Variants in SPRED1 observed in about 807,000 individuals in gnomAD.
SPRED1 encodes sprouty related EVH1 domain containing 1.
Under a neutral mutation model 52.3 loss-of-function variants are expected in SPRED1, and 18 were observed. That is an observed-to-expected ratio of 0.34 (90% confidence interval 0.24 to 0.51). SPRED1 has a LOEUF of 0.51. Among genes scored for constraint, SPRED1 ranks in the 20% least tolerant of loss-of-function variants. SPRED1 has a pLI of 0.97. For synonymous variants in SPRED1, 155 were observed against 179.7 expected (o/e 0.86, Z 1.10); for missense variants, 485 against 551.0 (o/e 0.88, Z 1.20).
chr15:38,298,317 C>T (rs1040740435), intron 1 of SPRED1, among the ~76,000 whole-genome samples: 3 of 152,046 alleles, frequency 2.0e-5, no homozygotes, highest in African/African-American at 4.8e-5. Flanking sequence ...TAAACATGTA[C>T]CTATCCTGTG....
At chr15:38,298,179 ACAATGAGTAAAGT>A (rs1895076531) in intron 1 of SPRED1, among the ~76,000 whole-genome samples, 1 of 152,196 alleles carries the variant, frequency 6.6e-6, no homozygotes, top group Non-Finnish European at 1.5e-5. Flanking sequence ...TATACTCAAT[ACAATGAGTAAAGT>A]TAAGACTGAA....
chr15:38,272,077 T>C lies in SPRED1; in HGVS notation c.32+18860T>C, dbSNP rs532757671. Among the ~76,000 whole-genome samples the C allele has an allele frequency of 2.0e-5, 3 of 152,160 alleles. No homozygotes were observed. In the South Asian group the frequency reaches 6.2e-4, roughly 32 times the overall value. ...TGCATACGTGTTGCTGCAAAGGACATGATTTTGTTCTTCTTTGTGGCTGCA... is the reference window on the plus strand; with the variant it reads ...TGCATACGTGTTGCTGCAAAGGACACGATTTTGTTCTTCTTTGTGGCTGCA... On this transcript the variant is annotated intron_variant, in intron 1 of 6. Coordinates refer to ENST00000299084, the MANE Select transcript of SPRED1 (RefSeq NM_152594.3).
At chr15:38,259,205 T>C (rs1229891353) in intron 1 of SPRED1, among the ~76,000 whole-genome samples, 1 of 152,238 alleles carries the variant, frequency 6.6e-6, no homozygotes, top group Non-Finnish European at 1.5e-5. Flanking sequence ...AATAGCCATG[T>C]ATCTTTGATG....
Position 38,339,883 on chromosome 15 carries a change from C to A in SPRED1, c.570C>A (p.Ser190Arg), listed in dbSNP as rs758617124. ...DLNARRVYMQ[S>R]QANQITFGQP... is the part of the protein sequence containing the mutation. The stretch of plus-strand genomic sequence containing the variant: ...ATGCCAGAAGAGTCTACATGCAAAG[C>A]CAAGCCAATCAGGTAAGAAGATAAA... The change falls in exon 5 of 7, where the codon AGC becomes AGA. Residue 190 changes from serine (S) to arginine (R), a missense_variant. By Grantham distance (110) the Ser-to-Arg change is moderately radical. Transcript: ENST00000299084. 1 of 1,613,706 alleles carries A rather than the reference C, an allele frequency of 6.2e-7. No individual in the cohort carries two copies. The highest frequency in any genetic ancestry group is 8.5e-7 in the Non-Finnish European group (1 of 1,179,878).
intron 2 of SPRED1, among the ~76,000 whole-genome samples, chr15:38,307,891 A>G (rs537046197): frequency 6.6e-5 from 10 of 152,304 alleles, no homozygotes; most frequent in Non-Finnish European, 1.2e-4. Context: ...TTAGGGTTAT[A>G]AAAATGTGGC....
chr15:38,272,622 A>T (rs8039209), intron 1 of SPRED1, among the ~76,000 whole-genome samples: 1 of 152,040 alleles, frequency 6.6e-6, no homozygotes, highest in African/African-American at 2.4e-5. Flanking sequence ...ACTGCTCTCC[A>T]CAGTGGCTGA....
intron 1 of SPRED1, among the ~76,000 whole-genome samples, chr15:38,266,383 T>C (rs577888981): frequency 6.6e-6 from 1 of 152,306 alleles, no homozygotes; most frequent in African/African-American, 2.4e-5. Flanking sequence ...CTCATGCCTG[T>C]AATCCTAGCA....
At chr15:38,255,676 T>G (rs760044147) in intron 1 of SPRED1, among the ~76,000 whole-genome samples, 26 of 152,172 alleles carry the variant, frequency 1.7e-4, no homozygotes, top group Admixed American at 3.3e-4. Flanking sequence ...AAATGGAAAT[T>G]TATTATTTAT....
chr15:38,273,520 AATAT>A (rs58636340), intron 1 of SPRED1, among the ~76,000 whole-genome samples: 8,295 of 140,460 alleles, frequency 0.059, 276 homozygotes, highest in Middle Eastern at 0.09. Flanking sequence ...ATGTATTATT[AATAT>A]ATATATATAT....
rs1894011000 is a variant in SPRED1 at position 38,252,996 on chromosome 15, C to G, written c.-190C>G. On this transcript the variant is annotated 5_prime_UTR_variant, in exon 1 of 7. Coordinates refer to ENST00000299084, the MANE Select transcript of SPRED1 (RefSeq NM_152594.3). ...CGGCGGAGGTTGCTGCCGCCACCCC[C>G]CTGCGGGGGTGGCCGGGGTTCCCGG... is the stretch of plus-strand genomic sequence containing the variant. 3.2e-6 allele frequency: 2 copies of G among 620,370 alleles called. No individual in the cohort carries two copies. Among genetic ancestry groups the G allele is most frequent in the Admixed American group, 2.6e-5 (1 of 37,796 alleles). 38.4% of individuals were successfully genotyped at this position (620,370 alleles called of 1,614,324 possible).
intron 3 of SPRED1, among the ~76,000 whole-genome samples, chr15:38,323,218 A>C (rs2140995504): frequency 6.6e-6 from 1 of 152,318 alleles, no homozygotes; most frequent in South Asian, 2.1e-4. Flanking sequence ...AGTCACAGGC[A>C]AGAACATGGA....
chr15:38,349,624 A>G (rs1467001188), intron 6 of SPRED1, 101 bp downstream of exon 6: 1 of 886,850 alleles, frequency 1.1e-6, no homozygotes, highest in Middle Eastern at 2.4e-4. Flanking sequence ...GAATTGTACT[A>G]GAAAATTTTT....
chr15:38,316,223 A>T (rs1396611190), intron 2 of SPRED1, among the ~76,000 whole-genome samples: 1 of 151,908 alleles, frequency 6.6e-6, no homozygotes, highest in Non-Finnish European at 1.5e-5. Flanking sequence ...CTCTCCCTTC[A>T]TCTGTATCAG....
rs1352757939 is a variant in SPRED1 at position 38,356,170 on chromosome 15, CTCA to C, written c.*4507_*4509del. 1 of 152,020 alleles carries C rather than the reference CTCA, an allele frequency of 6.6e-6. No individual in the cohort carries two copies. The highest frequency in any genetic ancestry group is 1.5e-5 in the Non-Finnish European group (1 of 67,972). The allele number at this position is 152,020 out of a possible 1,614,324, so 9.4% of individuals were successfully genotyped here. On this transcript the variant is annotated 3_prime_UTR_variant, in exon 7 of 7. Coordinates refer to ENST00000299084, the MANE Select transcript of SPRED1 (RefSeq NM_152594.3). ...GTGTCGTTTGCTTTCTATTTCTGAC[CTCA>C]AAAGTGCCTCACTTGTATATTATTT...
intron 2 of SPRED1, among the ~76,000 whole-genome samples, chr15:38,309,989 CCCTAATACAGAGTAGAATGATT>C (rs1343546283): frequency 5.3e-5 from 8 of 152,208 alleles, no homozygotes; most frequent in Non-Finnish European, 8.8e-5. Context: ...ATATAAGAAG[CCCTAATACAGAGTAGAATGATT>C]CCTAATACAG....
At chr15:38,343,949 GAT>G (rs1566874386) in intron 5 of SPRED1, among the ~76,000 whole-genome samples, 1 of 152,010 alleles carries the variant, frequency 6.6e-6, no homozygotes, top group Non-Finnish European at 1.5e-5. Context: ...GAAAAATTAA[GAT>G]ATTGGTACAA....
intron 5 of SPRED1, among the ~76,000 whole-genome samples, chr15:38,348,079 A>G (rs1896177645): frequency 6.6e-6 from 1 of 151,914 alleles, no homozygotes; most frequent in South Asian, 2.1e-4. Flanking sequence ...GAAAATTGAC[A>G]TTTTTACTCT....
intron 5 of SPRED1, among the ~76,000 whole-genome samples, chr15:38,344,423 T>C (rs1220134523): frequency 6.6e-6 from 1 of 152,170 alleles, no homozygotes; most frequent in African/African-American, 2.4e-5. Flanking sequence ...AGAACTGAAC[T>C]CTTCTCCCAA....
At chr15:38,265,621 G>A (rs1005836904) in intron 1 of SPRED1, among the ~76,000 whole-genome samples, 1 of 148,984 alleles carries the variant, frequency 6.7e-6, no homozygotes, top group East Asian at 2.0e-4. Flanking sequence ...GCTCTAAGTA[G>A]TTTTTTTTTT....
Sources: gnomAD v4.1 joint callset for allele counts (sites outside exome capture counted in the v4.1 genomes callset) on GRCh38, gnomAD v4.1.1 for gene constraint, MANE v1.5 for transcripts, NCBI Gene and HGNC (gene_info 2026-07-23, HGNC 2026-07-21) for gene names.